CDH18: variants seen among roughly 807,000 people sequenced by gnomAD.
CDH18 encodes cadherin-18.
In CDH18, 31 loss-of-function variants were observed where a neutral mutation model predicts 67.9. The ratio of observed to expected loss-of-function variants is 0.46; its 90% CI spans 0.34 to 0.62. The LOEUF (loss-of-function observed/expected upper bound fraction) is 0.62. CDH18 is among the 20% of genes least tolerant of loss of function. The pLI is 0.01. For missense variants in CDH18, 890 were observed against 975.5 expected, an observed-to-expected ratio of 0.91 and a Z score of 1.17; for synonymous variants, 362 against 347.2, an observed-to-expected ratio of 1.04 and a Z score of -0.48.
intron 11 of CDH18, among the ~76,000 whole-genome samples, chr5:19,493,865 C>T (rs1177796334): frequency 6.6e-6 from 1 of 151,918 alleles, no homozygotes; most frequent in African/African-American, 2.4e-5. Context: ...TTGAAAAATC[C>T]CTTATTGTAA....
chr5:19,473,972 A>C (rs1738017522), intron 12 of CDH18, among the ~76,000 whole-genome samples: 1 of 152,118 alleles, frequency 6.6e-6, no homozygotes, highest in Non-Finnish European at 1.5e-5. Context: ...CAATACTCTC[A>C]GTTTGCTAAG....
chr5:19,614,533 A>C (rs987534925), intron 5 of CDH18, among the ~76,000 whole-genome samples: 8 of 152,070 alleles, frequency 5.3e-5, no homozygotes, highest in Admixed American at 1.3e-4. Context: ...TTATGAAAGA[A>C]ATTTATATTT....
At chr5:19,908,792 G>A (rs1790808142) in intron 2 of CDH18, among the ~76,000 whole-genome samples, 1 of 152,132 alleles carries the variant, frequency 6.6e-6, no homozygotes, top group Admixed American at 6.6e-5. Flanking sequence ...ATTTTATCAG[G>A]CCTGAATGCT....
intron 1 of CDH18, among the ~76,000 whole-genome samples, chr5:20,514,985 A>G (rs1256142223): frequency 6.6e-6 from 1 of 152,090 alleles, no homozygotes; most frequent in Non-Finnish European, 1.5e-5. Context: ...CCAATAATCA[A>G]TAATATTCAT....
chr5:20,573,395 AC>A (rs1334415674), intron 1 of CDH18, among the ~76,000 whole-genome samples: 1 of 151,852 alleles, frequency 6.6e-6, no homozygotes, highest in Admixed American at 6.6e-5. Context: ...ATAAATAAGT[AC>A]CAGGAGGACA....
chr5:20,501,547 TATATATATA>T (rs200741280), intron 1 of CDH18, among the ~76,000 whole-genome samples: 17,058 of 54,660 alleles, frequency 0.31, 2,025 homozygotes, highest in East Asian at 0.57. Flanking sequence ...ATATACATAT[TATATATATA>T]ATATATATAT....
chr5:19,947,445 CTT>C (rs1016913694), intron 2 of CDH18, among the ~76,000 whole-genome samples: 10 of 151,904 alleles, frequency 6.6e-5, no homozygotes, highest in Admixed American at 2.0e-4. Flanking sequence ...AAACTTGACT[CTT>C]TTGAAAATAC....
chr5:19,947,300 C>T (rs2150250291), intron 2 of CDH18, among the ~76,000 whole-genome samples: 1 of 151,954 alleles, frequency 6.6e-6, no homozygotes, highest in Non-Finnish European at 1.5e-5. Context: ...AAGGTTCACA[C>T]CTTGTATGAA....
At chr5:20,110,011 G>A (rs1438131464) in intron 2 of CDH18, among the ~76,000 whole-genome samples, 4 of 152,176 alleles carry the variant, frequency 2.6e-5, no homozygotes, top group Non-Finnish European at 5.9e-5. Flanking sequence ...ATAGAAGAAA[G>A]AGAGGCAGAG....
At chr5:20,173,978 G>C (rs1737039925) in intron 2 of CDH18, among the ~76,000 whole-genome samples, 1 of 151,860 alleles carries the variant, frequency 6.6e-6, no homozygotes, top group South Asian at 2.1e-4. Context: ...CATGATGTGG[G>C]GAAATTATAT....
intron 1 of CDH18, among the ~76,000 whole-genome samples, chr5:20,510,797 G>T (rs906791921): frequency 6.6e-6 from 1 of 152,134 alleles, no homozygotes; most frequent in Non-Finnish European, 1.5e-5. Context: ...TGACATGTTG[G>T]ATGGTGTCTA....
chr5:19,507,005 T>G (rs1179603159), intron 10 of CDH18, among the ~76,000 whole-genome samples: 5 of 152,164 alleles, frequency 3.3e-5, no homozygotes, highest in Non-Finnish European at 7.3e-5. Context: ...AATCTCCTCA[T>G]CTGTCAAAGG....
intron 1 of CDH18, among the ~76,000 whole-genome samples, chr5:20,418,220 T>G: frequency 7.0e-6 from 1 of 143,438 alleles, no homozygotes; most frequent in Non-Finnish European, 1.5e-5. Flanking sequence ...GGATTACAGG[T>G]GTCTGCCACC....
chr5:19,603,590 T>TA (rs1369632357), intron 6 of CDH18, among the ~76,000 whole-genome samples: 2 of 151,634 alleles, frequency 1.3e-5, no homozygotes, highest in Admixed American at 1.3e-4. Context: ...TTTTTCAGAA[T>TA]AGAAAAATGA....
Position 19,473,426 on chromosome 5 carries a change from GGTCTGCTTCT to G in CDH18, c.2163_2172del (p.Glu722Ter). ...TCATAAGGGGGAACGCTAGGGTCTAGGTCTGCTTCTGCCAGTCTTTGCTTAATAAATTCCT... is the reference window on the plus strand; with the variant it reads ...TCATAAGGGGGAACGCTAGGGTCTAGGCCAGTCTTTGCTTAATAAATTCCT... On this transcript the variant is annotated frameshift_variant, in exon 13 of 13. Coordinates refer to ENST00000382275, the MANE Select transcript of CDH18 (RefSeq NM_004934.5). LOFTEE classifies it high-confidence loss of function. 1 of 1,613,816 alleles carries G rather than the reference GGTCTGCTTCT, an allele frequency of 6.2e-7. No individual in the cohort carries two copies. The highest frequency in any genetic ancestry group is 8.5e-7 in the Non-Finnish European group (1 of 1,179,864).
chr5:20,458,199 C>G (rs1004919005), intron 1 of CDH18, among the ~76,000 whole-genome samples: 2 of 152,144 alleles, frequency 1.3e-5, no homozygotes, highest in African/African-American at 4.8e-5. Context: ...CTCACTGCAG[C>G]CTCGATCTCC....
At chr5:19,895,847 G>C (rs1015455696) in intron 2 of CDH18, among the ~76,000 whole-genome samples, 1 of 152,082 alleles carries the variant, frequency 6.6e-6, no homozygotes, top group African/African-American at 2.4e-5. Flanking sequence ...ATTTCCAGGG[G>C]TGAGGGGACC....
At chr5:20,315,744 A>G (rs921644109) in intron 1 of CDH18, among the ~76,000 whole-genome samples, 1 of 152,150 alleles carries the variant, frequency 6.6e-6, no homozygotes, top group Non-Finnish European at 1.5e-5. Flanking sequence ...TCATAATTTA[A>G]GTCTCACAAA....
chr5:19,528,942 T>G (rs558841610), intron 9 of CDH18, among the ~76,000 whole-genome samples: 1 of 151,946 alleles, frequency 6.6e-6, no homozygotes, highest in East Asian at 1.9e-4. Flanking sequence ...ACTACATAAT[T>G]ACAATAAGAA....
Sources: allele counts gnomAD v4.1 joint callset (sites outside exome capture counted in the v4.1 genomes callset), GRCh38; gene constraint gnomAD v4.1.1; transcripts MANE v1.5; gene names NCBI Gene and HGNC (gene_info 2026-07-23, HGNC 2026-07-21).